LEF1: variants seen among roughly 807,000 people sequenced by gnomAD.
The protein encoded by LEF1 is lymphoid enhancer-binding factor 1.
In LEF1, 14 loss-of-function variants were observed where a neutral mutation model predicts 51.2. The observed-to-expected ratio is 0.27, with a 90% CI of 0.18 to 0.43. The LOEUF is 0.43. LEF1 is among the 20% of genes least tolerant of loss of function. The pLI is 1.00. For missense variants in LEF1, 386 were observed against 512.0 expected (o/e 0.75, Z 2.37); for synonymous variants, 185 against 183.2 (o/e 1.01, Z -0.08).
At chr4:108,114,326 T>C (rs1741709205) in intron 3 of LEF1, among the ~76,000 whole-genome samples, 1 of 152,214 alleles carries the variant, frequency 6.6e-6, no homozygotes, top group Admixed American at 6.5e-5. Flanking sequence ...AAGCTTGGCC[T>C]AAACGATAAA....
At chr4:108,070,537 A>T (rs1738402797) in intron 9 of LEF1, 126 bp downstream of exon 9, 2 of 558,210 alleles carry the variant, frequency 3.6e-6, no homozygotes, top group South Asian at 8.0e-5. Flanking sequence ...CCTTATTACA[A>T]AGTTCATTAA....
chr4:108,080,783 T>TACTATACCCATATAAA (rs1385881660), intron 6 of LEF1, among the ~76,000 whole-genome samples: 33 of 152,182 alleles, frequency 2.2e-4, no homozygotes, highest in African/African-American at 7.0e-4. Flanking sequence ...AAACTTTGAA[T>TACTATACCCATATAAA]ACTATACCCA....
intron 3 of LEF1, among the ~76,000 whole-genome samples, chr4:108,151,264 T>C (rs1744344059): frequency 1.3e-5 from 2 of 152,234 alleles, no homozygotes; most frequent in Admixed American, 6.5e-5. Flanking sequence ...ACTCTTGTGT[T>C]ATCCACTAGC....
intron 9 of LEF1, among the ~76,000 whole-genome samples, chr4:108,067,064 A>C (rs1738127586): frequency 6.6e-6 from 1 of 152,260 alleles, no homozygotes; most frequent in Admixed American, 6.5e-5. Context: ...TGTTATTTAA[A>C]GAACAGTATC....
At chr4:108,067,750 G>A (rs978588489) in intron 9 of LEF1, among the ~76,000 whole-genome samples, 4 of 151,822 alleles carry the variant, frequency 2.6e-5, no homozygotes, top group African/African-American at 9.7e-5. Context: ...GCCTGGTCTC[G>A]AATGCCTGAC....
intron 3 of LEF1, among the ~76,000 whole-genome samples, chr4:108,112,055 A>C (rs527753021): frequency 1.3e-5 from 2 of 152,288 alleles, no homozygotes; most frequent in African/African-American, 4.8e-5. Context: ...TAGTGATCTG[A>C]GTATGCAAAG....
chr4:108,131,003 G>C (rs1392761543), intron 3 of LEF1, among the ~76,000 whole-genome samples: 1 of 151,868 alleles, frequency 6.6e-6, no homozygotes, highest in Non-Finnish European at 1.5e-5. Flanking sequence ...TTCCTCCCAG[G>C]TTATTTTTTA....
intron 1 of LEF1, among the ~76,000 whole-genome samples, chr4:108,165,812 A>C (rs952000686): frequency 2.0e-5 from 3 of 152,188 alleles, no homozygotes. Flanking sequence ...AGTTGATATC[A>C]GTTTTGGTAA....
At chr4:108,096,266 C>A (rs1740386472) in intron 3 of LEF1, among the ~76,000 whole-genome samples, 1 of 152,028 alleles carries the variant, frequency 6.6e-6, no homozygotes, top group Non-Finnish European at 1.5e-5. Flanking sequence ...GAAGGAGAAA[C>A]AGGAGGAGGA....
In LEF1 at chr4:108,083,419, T is replaced by A; in HGVS notation, c.575A>T (p.Asp192Val). 6.2e-7 allele frequency: 1 copy of A among 1,613,466 alleles called. No individual in the cohort carries two copies. The highest frequency in any genetic ancestry group is 8.5e-7 in the Non-Finnish European group (1 of 1,179,540). Reference sequence around the variant, plus strand: ...AGACAAGGGATAAAAAGTAGGGATATCAGGAGCTGGAGGATGTCTGGACAT... The same window carrying A: ...AGACAAGGGATAAAAAGTAGGGATAACAGGAGCTGGAGGATGTCTGGACAT... ...QGMSRHPPAP[D>V]IPTFYPLSPG... The change falls in exon 5 of 12, where the codon GAT becomes GTT. Residue 192 changes from aspartate (D) to valine (V), a missense_variant. Coordinates refer to ENST00000265165, the MANE Select transcript of LEF1 (RefSeq NM_016269.5).
chr4:108,142,068 C>T (rs1354034280), intron 3 of LEF1, among the ~76,000 whole-genome samples: 1 of 151,962 alleles, frequency 6.6e-6, no homozygotes, highest in African/African-American at 2.4e-5. Context: ...CTTTTTCAAG[C>T]CTAAAGGGTA....
rs1048203447 is a variant in LEF1 at position 108,048,448 on chromosome 4, G to A, written c.*310C>T. ...ACGCAGATATGAGGGGAGAAAAGCTGCTCAGCTGCCCCACAGCCTGCTAGC... is the reference window on the plus strand; with the variant it reads ...ACGCAGATATGAGGGGAGAAAAGCTACTCAGCTGCCCCACAGCCTGCTAGC... On this transcript the variant is annotated 3_prime_UTR_variant, in exon 12 of 12. Transcript: ENST00000265165. 5.4e-5 allele frequency: 19 copies of A among 350,124 alleles called. No individual in the cohort carries two copies. The highest frequency in any genetic ancestry group is 9.3e-5 in the Non-Finnish European group (18 of 194,072). 21.7% of individuals were successfully genotyped at this position (350,124 alleles called of 1,614,324 possible). A position where few individuals can be genotyped will look rare whatever the true frequency, so the allele number is the denominator to read the frequency against.
At chr4:108,104,803 A>C in intron 3 of LEF1, 1 of 385,086 alleles carries the variant, frequency 2.6e-6, no homozygotes, top group Non-Finnish European at 3.6e-6. Context: ...AGTTCCATAA[A>C]TGGCATCAAT....
chr4:108,125,870 G>A (rs1742495349), intron 3 of LEF1, among the ~76,000 whole-genome samples: 1 of 152,076 alleles, frequency 6.6e-6, no homozygotes, highest in Non-Finnish European at 1.5e-5. Context: ...AAAAGTAAAT[G>A]TTGTTTTACT....
Position 108,081,606 on chromosome 4 carries a change from T to A in LEF1, c.702A>T (p.Ser234=), listed in dbSNP as rs766427501. 1 of 1,614,084 alleles carries A rather than the reference T, an allele frequency of 6.2e-7. No individual in the cohort carries two copies. Among genetic ancestry groups the A allele is most frequent in the African/African-American group, 1.3e-5 (1 of 75,018 alleles). Residue 234 remains serine, a synonymous_variant, in exon 6 of 12, where the codon TCA becomes TCT. Transcript: ENST00000265165. The stretch of plus-strand genomic sequence containing the variant: ...CCTACCTGGACATGGAAGTGTCGAC[T>A]GACAGTGAGGATGGGTAGGGTTGCC... ...GFRQPYPSSL[S]VDTSMSRFSH...
chr4:108,131,706 AC>A (rs1742909532), intron 3 of LEF1, among the ~76,000 whole-genome samples: 1 of 152,154 alleles, frequency 6.6e-6, no homozygotes, highest in Non-Finnish European at 1.5e-5. Flanking sequence ...TGGAAACATA[AC>A]TTTTTTTTAG....
intron 9 of LEF1, among the ~76,000 whole-genome samples, chr4:108,069,936 C>A (rs1361260771): frequency 7.3e-6 from 1 of 137,150 alleles, no homozygotes; most frequent in African/African-American, 2.7e-5. Context: ...CCAGCCTGGG[C>A]GACAGAGTGA....
intron 11 of LEF1, among the ~76,000 whole-genome samples, chr4:108,060,868 G>A (rs1263958280): frequency 2.0e-5 from 3 of 152,102 alleles, no homozygotes; most frequent in African/African-American, 7.2e-5. Flanking sequence ...GCCTATCTTA[G>A]GTGCTCAATA....
intron 3 of LEF1, among the ~76,000 whole-genome samples, chr4:108,132,395 A>G (rs1451180636): frequency 6.6e-6 from 1 of 151,994 alleles, no homozygotes. Context: ...TTCCTCTTCT[A>G]TTCTGTTTTT....
Sources: gnomAD v4.1 joint callset for allele counts (sites outside exome capture counted in the v4.1 genomes callset) on GRCh38, gnomAD v4.1.1 for gene constraint, MANE v1.5 for transcripts, NCBI Gene and HGNC (gene_info 2026-07-23, HGNC 2026-07-21) for gene names.